SIGLECL1: variants seen among roughly 807,000 people sequenced by gnomAD.
SIGLECL1 encodes the protein SIGLEC family like 1, also known as SIGLEC family-like protein 1.
Under a neutral mutation model 19.1 loss-of-function variants are expected in SIGLECL1, and 16 were observed. That is an observed-to-expected ratio of 0.84 (90% CI 0.57 to 1.27). SIGLECL1 has a LOEUF of 1.27. Among genes scored for constraint, SIGLECL1 ranks in the 50% most tolerant of loss-of-function variants. SIGLECL1 has a pLI of 0.00. For missense variants in SIGLECL1, 210 were observed against 239.4 expected (o/e 0.88, Z 0.81); for synonymous variants, 89 against 90.4 (o/e 0.98, Z 0.09).
In SIGLECL1 at chr19:51,265,521, CCACCATGCTTGGCCCCTGGGCTAACAG is replaced by C. The variant is rs753662946; in HGVS notation, c.183_209del (p.Met61_Thr69del). ...ATGGATGGCAGCCTCCAAGTGACTT[CCACCATGCTTGGCCCCTGGGCTAACAG>C]CACCATCAGCCTAACTGAAGAGCCA... is the stretch of plus-strand genomic sequence containing the variant. On this transcript the variant is annotated inframe_deletion, in exon 3 of 6. Transcript: ENST00000601727. 5.0e-6 allele frequency: 8 copies of C among 1,614,034 alleles called. No individual in the cohort carries two copies. The highest frequency in any genetic ancestry group is 5.1e-6 in the Non-Finnish European group (6 of 1,180,038).
At position 51,263,991 on chromosome 19, in the gene SIGLECL1, T is replaced by A; in HGVS notation, c.-82T>A. Reference sequence around the variant, plus strand: ...TTTCAGTTACGCATCACCTCACTCCTTCTGAACCATATGGTTCTGATGTCA... The same window carrying A: ...TTTCAGTTACGCATCACCTCACTCCATCTGAACCATATGGTTCTGATGTCA... On this transcript the variant is annotated 5_prime_UTR_variant, in exon 2 of 6. Transcript: ENST00000601727. The A allele has an allele frequency of 1.9e-6, 3 of 1,557,856 alleles. No individual in the cohort carries two copies. Among genetic ancestry groups the A allele is most frequent in the Non-Finnish European group, 2.6e-6 (3 of 1,133,838 alleles).
chr19:51,267,267 GGTACTGTT>G, intron 4 of SIGLECL1, 98 bp from the exon 5 acceptor site: 1 of 1,378,062 alleles, frequency 7.3e-7, no homozygotes, highest in Non-Finnish European at 9.9e-7. Flanking sequence ...ACAGCAAGCT[GGTACTGTT>G]GTTGAGGCTC....
intron 2 of SIGLECL1, 37 bp from the exon 3 acceptor site, chr19:51,265,331 G>A: frequency 1.3e-6 from 2 of 1,564,698 alleles, no homozygotes; most frequent in Non-Finnish European, 8.7e-7. Context: ...AGGGAAGCCA[G>A]GATGCCTTGC....
chr19:51,261,584 G>A (rs909870455), intron 1 of SIGLECL1, among the ~76,000 whole-genome samples: 3 of 152,280 alleles, frequency 2.0e-5, no homozygotes, highest in East Asian at 1.9e-4. Context: ...CACCGCTCCC[G>A]GCCCATTTGG....
upstream of SIGLECL1, among the ~76,000 whole-genome samples, chr19:51,249,241 G>A (rs571381535): frequency 7.9e-5 from 12 of 152,168 alleles, no homozygotes; most frequent in South Asian, 2.1e-3. Context: ...GCAGAGAAGC[G>A]AGGAAAAGCA....
At chr19:51,255,712 A>C (rs2123393621) in intron 1 of SIGLECL1, among the ~76,000 whole-genome samples, 1 of 152,346 alleles carries the variant, frequency 6.6e-6, no homozygotes, top group African/African-American at 2.4e-5. Context: ...ACTAATCATC[A>C]GAGAAATGCA....
At chr19:51,257,015 C>A (rs1419628153) in intron 1 of SIGLECL1, among the ~76,000 whole-genome samples, 3 of 151,970 alleles carry the variant, frequency 2.0e-5, no homozygotes, top group Admixed American at 2.0e-4. Context: ...ATATAAATGA[C>A]AAATGATCCA....
upstream of SIGLECL1, among the ~76,000 whole-genome samples, chr19:51,249,457 T>C (rs978345078): frequency 3.4e-5 from 5 of 146,648 alleles, no homozygotes; most frequent in Non-Finnish European, 7.4e-5. Context: ...CTTCAGTCTG[T>C]CACATTAAAA....
At chr19:51,261,040 T>C (rs1319556957) in intron 1 of SIGLECL1, among the ~76,000 whole-genome samples, 1 of 152,232 alleles carries the variant, frequency 6.6e-6, no homozygotes, top group East Asian at 1.9e-4. Flanking sequence ...TGTGGATGTC[T>C]GTTTCTCCTT....
At position 51,268,742 on chromosome 19, in the gene SIGLECL1, A is replaced by C. The variant is rs1025771852; in HGVS notation, c.*145A>C. The C allele has an allele frequency of 5.8e-6, 4 of 694,224 alleles. No individual in the cohort carries two copies. The highest frequency in any genetic ancestry group is 9.8e-6 in the Non-Finnish European group (4 of 410,084). 43.0% of individuals were successfully genotyped at this position (694,224 alleles called of 1,614,324 possible). ...TCTCCTCAGCTCACAAAACCCTCTC[A>C]ATTCCTACACATCCCTTAACACTCA... On this transcript the variant is annotated 3_prime_UTR_variant, in exon 6 of 6. Coordinates refer to ENST00000601727, the MANE Select transcript of SIGLECL1 (RefSeq NM_001385465.1).
intron 1 of SIGLECL1, among the ~76,000 whole-genome samples, chr19:51,260,538 C>T (rs1013062889): frequency 6.6e-6 from 1 of 152,242 alleles, no homozygotes; most frequent in African/African-American, 2.4e-5. Context: ...CCACTGTAAA[C>T]ATTTTTGCAT....
Position 51,251,517 on chromosome 19 carries a change from A to T in SIGLECL1, c.-219A>T, listed in dbSNP as rs2123372075. 6.5e-6 allele frequency: 1 copy of T among 153,396 alleles called. No individual in the cohort carries two copies. The allele number at this position is 153,396 out of a possible 1,614,324, so 9.5% of individuals were successfully genotyped here. A position where few individuals can be genotyped will look rare whatever the true frequency, so the allele number is the denominator to read the frequency against. On this transcript the variant is annotated 5_prime_UTR_variant, in exon 1 of 6. Transcript: ENST00000601727. The stretch of plus-strand genomic sequence containing the variant: ...TCAGTCACCTGGTCAGCCAGAGGGC[A>T]GCTGGGGCGACATCCATCTACCAAG...
chr19:51,248,511 G>A (rs1982336355), upstream of SIGLECL1, among the ~76,000 whole-genome samples: 1 of 152,134 alleles, frequency 6.6e-6, no homozygotes, highest in Non-Finnish European at 1.5e-5. Flanking sequence ...GTCCTGGCAT[G>A]TGCCAGCGGA....
At chr19:51,248,962 G>C (rs12971800), upstream of SIGLECL1, among the ~76,000 whole-genome samples, 12,126 of 152,180 alleles carry the variant, frequency 0.08, 486 homozygotes, top group South Asian at 0.093. Context: ...TCAGCCTAAT[G>C]GCTTCCCAGT....
chr19:51,265,325 A>G, intron 2 of SIGLECL1, 43 bp from the exon 3 acceptor site: 1 of 1,555,174 alleles, frequency 6.4e-7, no homozygotes, highest in Non-Finnish European at 8.7e-7. Context: ...TGGAAGAGGG[A>G]AGCCAGGATG....
chr19:51,257,421 A>G (rs1982889799), intron 1 of SIGLECL1, among the ~76,000 whole-genome samples: 1 of 150,932 alleles, frequency 6.6e-6, no homozygotes, highest in Admixed American at 6.6e-5. Context: ...AAAAAAAAAA[A>G]AAGAAAAGAA....
upstream of SIGLECL1, among the ~76,000 whole-genome samples, chr19:51,249,320 T>C (rs934044453): frequency 8.5e-5 from 13 of 152,150 alleles, no homozygotes; most frequent in African/African-American, 2.6e-4. Context: ...GTTTAGGTAA[T>C]AGCAGTCAGT....
chr19:51,251,273 T>C lies in SIGLECL1; in HGVS notation c.-463T>C, dbSNP rs1426722890. 1 of 152,776 alleles carries C rather than the reference T, an allele frequency of 6.5e-6. No individual in the cohort carries two copies. Among genetic ancestry groups the C allele is most frequent in the Admixed American group, 6.5e-5 (1 of 15,296 alleles). The allele number at this position is 152,776 out of a possible 1,614,324, so 9.5% of individuals were successfully genotyped here. Reference sequence around the variant, plus strand: ...TGTTGGCGGTTGTTGGGTTCCTTCATTGAAACTGCACTAACTGGGCTTCCA... The same window carrying C: ...TGTTGGCGGTTGTTGGGTTCCTTCACTGAAACTGCACTAACTGGGCTTCCA... On this transcript the variant is annotated 5_prime_UTR_variant, in exon 1 of 6. Transcript: ENST00000601727.
At chr19:51,267,335 A>T (rs1374890663) in intron 4 of SIGLECL1, 38 bp from the exon 5 acceptor site, 1 of 1,596,678 alleles carries the variant, frequency 6.3e-7, no homozygotes, top group Non-Finnish European at 8.5e-7. Context: ...ATTCAGGGAG[A>T]TGGAGAGCCA....
Sources: allele counts gnomAD v4.1 joint callset (sites outside exome capture counted in the v4.1 genomes callset), GRCh38; gene constraint gnomAD v4.1.1; transcripts MANE v1.5; gene names NCBI Gene and HGNC (gene_info 2026-07-23, HGNC 2026-07-21).